Variants in AKAP13 observed in about 807,000 individuals in gnomAD.
AKAP13 encodes A-kinase anchoring protein 13.
AKAP13 carries 80 observed loss-of-function variants against 264.5 expected under a neutral mutation model. That is an observed-to-expected ratio of 0.30 (90% CI 0.25 to 0.36). AKAP13 has a LOEUF of 0.36. Among genes scored for constraint, AKAP13 ranks in the 10% least tolerant of loss-of-function variants. AKAP13 has a pLI of 1.00. For synonymous variants in AKAP13, 1,380 were observed against 1,250.2 expected (o/e 1.10, Z -2.19); for missense variants, 3,712 against 3,435.2 (o/e 1.08, Z -2.01).
At chr15:85,693,516 GTT>G in intron 17 of AKAP13, 65 bp downstream of exon 17, 3 of 1,582,186 alleles carry the variant, frequency 1.9e-6, no homozygotes, top group Non-Finnish European at 2.6e-6. Flanking sequence ...CTCATTTCTT[GTT>G]TCCTGTCCCC....
At chr15:85,732,979 C>T (rs906393236) in intron 30 of AKAP13, among the ~76,000 whole-genome samples, 14 of 152,174 alleles carry the variant, frequency 9.2e-5, no homozygotes, top group Non-Finnish European at 1.8e-4. Flanking sequence ...GCTGTGTCTA[C>T]GCTGTCAGTT....
intron 8 of AKAP13, among the ~76,000 whole-genome samples, chr15:85,602,486 C>T (rs996046688): frequency 6.7e-6 from 1 of 148,488 alleles, no homozygotes; most frequent in Non-Finnish European, 1.5e-5. Flanking sequence ...TGGTCTATCT[C>T]ATATATATAT....
chr15:85,470,451 G>C (rs2074919952), intron 1 of AKAP13, among the ~76,000 whole-genome samples: 1 of 152,266 alleles, frequency 6.6e-6, no homozygotes, highest in East Asian at 1.9e-4. Context: ...TTTCAACTCA[G>C]ACATACTGCT....
At chr15:85,601,313 A>G (rs2080058652) in intron 8 of AKAP13, among the ~76,000 whole-genome samples, 1 of 152,180 alleles carries the variant, frequency 6.6e-6, no homozygotes, top group African/African-American at 2.4e-5. Context: ...GTCTTTTCCT[A>G]AATAATTTTA....
At chr15:85,562,599 A>T (rs1765322874) in intron 5 of AKAP13, among the ~76,000 whole-genome samples, 1 of 136,430 alleles carries the variant, frequency 7.3e-6, no homozygotes, top group African/African-American at 2.6e-5. Context: ...ATATATATAT[A>T]TATATATCTC....
chr15:85,574,437 G>A (rs868035112), intron 5 of AKAP13, among the ~76,000 whole-genome samples: 3 of 152,190 alleles, frequency 2.0e-5, no homozygotes, highest in South Asian at 2.1e-4. Context: ...ATCAGTTGGC[G>A]TATAATGGTG....
rs565480435 is a variant in AKAP13, at chr15:85,516,011, G to A, written c.34-5417G>A. Among the ~76,000 whole-genome samples, 3 of 152,214 alleles carry A rather than the reference G, an allele frequency of 2.0e-5. No individual in the cohort carries two copies. The South Asian group carries it at 6.2e-4, about 32-fold the overall frequency. On this transcript the variant is annotated intron_variant, in intron 2 of 36. Coordinates refer to ENST00000394518, the MANE Select transcript of AKAP13 (RefSeq NM_007200.5). ...TTGTCCAATTTTTAACAACAAAGAT[G>A]TTAAAAATCAGAAAACTCAGAAAAG...
At chr15:85,627,499 C>T (rs542351194) in intron 8 of AKAP13, 1 of 152,378 alleles carries the variant, frequency 6.6e-6, no homozygotes, top group Non-Finnish European at 1.5e-5. Flanking sequence ...TTCCTCCCTA[C>T]TCTCCCATTG....
At chr15:85,494,205 C>G (rs1323057483) in intron 2 of AKAP13, among the ~76,000 whole-genome samples, 1 of 152,172 alleles carries the variant, frequency 6.6e-6, no homozygotes, top group Non-Finnish European at 1.5e-5. Context: ...TCTATCACCA[C>G]TCCCACACTC....
intron 12 of AKAP13, chr15:85,662,260 A>G (rs768587078): frequency 1.4e-5 from 12 of 847,994 alleles, no homozygotes; most frequent in Non-Finnish European, 2.1e-5. Context: ...TTACATTCCT[A>G]AATTTTTTGT....
chr15:85,715,812 G>A lies in AKAP13; in HGVS notation c.5624G>A (p.Arg1875Gln), dbSNP rs1469163729. 1.9e-6 allele frequency: 3 copies of A among 1,612,040 alleles called. No homozygotes were observed. The highest frequency in any genetic ancestry group is 1.1e-5 in the South Asian group (1 of 90,800). Residue 1875 changes from arginine (R) to glutamine (Q), a missense_variant, in exon 20 of 37, where the codon CGG (arginine) becomes CAG (glutamine). Arg to Gln is a conservative substitution (Grantham distance 43). Transcript: ENST00000394518. ...NKPSQPKERP[R>Q]SAVLLVDETA... Reference sequence around the variant, plus strand: ...GCCTCACAGCCCAAGGAGCGTCCTCGGTCCGCAGTCCTCCTGGTGGATGAA... The same window carrying A: ...GCCTCACAGCCCAAGGAGCGTCCTCAGTCCGCAGTCCTCCTGGTGGATGAA...
intron 1 of AKAP13, among the ~76,000 whole-genome samples, chr15:85,420,787 A>C (rs2072484874): frequency 6.6e-6 from 1 of 152,204 alleles, no homozygotes; most frequent in African/African-American, 2.4e-5. Flanking sequence ...AATGTGGGCT[A>C]TTACTTTTTC....
chr15:85,563,997 C>A (rs975015811), intron 5 of AKAP13, among the ~76,000 whole-genome samples: 1 of 152,154 alleles, frequency 6.6e-6, no homozygotes, highest in Admixed American at 6.5e-5. Flanking sequence ...ATACCTTGAA[C>A]AAATATGTTA....
intron 2 of AKAP13, among the ~76,000 whole-genome samples, chr15:85,500,899 G>A (rs533817536): frequency 6.6e-6 from 1 of 152,294 alleles, no homozygotes; most frequent in African/African-American, 2.4e-5. Flanking sequence ...CAGAGCATCT[G>A]GCGGCTGGGG....
Position 85,719,227 on chromosome 15 carries a change from A to G in AKAP13, c.6153A>G (p.Gln2051=), listed in dbSNP as rs1206216733. The G allele has an allele frequency of 1.9e-6, 3 of 1,614,188 alleles. No individual in the cohort carries two copies. The highest frequency in any genetic ancestry group is 2.7e-5 in the African/African-American group (2 of 75,038). Residue 2051 remains glutamine (Q), a synonymous_variant, in exon 23 of 37, where the codon CAA becomes CAG. Transcript: ENST00000394518. ...ATGAGCTGATCAGTATCCATAGCCAATTCTTCCAGAGGATTCTGGAGCGGA... is the reference window on the plus strand; with the variant it reads ...ATGAGCTGATCAGTATCCATAGCCAGTTCTTCCAGAGGATTCTGGAGCGGA... ...CLDELISIHS[Q]FFQRILERKK...
Position 85,580,629 on chromosome 15 carries a change from C to T in AKAP13, c.2561C>T (p.Ala854Val), listed in dbSNP as rs754429575. 6.2e-7 allele frequency: 1 copy of T among 1,614,212 alleles called. No individual in the cohort carries two copies. Among genetic ancestry groups the T allele is most frequent in the South Asian group, 1.1e-5 (1 of 91,088 alleles). The change falls in exon 7 of 37, where the codon GCA (alanine) becomes GTA (valine). Residue 854 changes from alanine to valine, a missense_variant. By Grantham distance (64) the Ala-to-Val change is moderately conservative. Transcript: ENST00000394518. ...AVGLSTSSTA[A>V]ELQHGMGNTS... The stretch of plus-strand genomic sequence containing the variant: ...GGCCTGTCCACATCCTCCACTGCTG[C>T]AGAGCTTCAGCACGGGATGGGGAAT...
In AKAP13 at chr15:85,639,439, G is replaced by A. The variant is rs16942564; in HGVS notation, c.4227G>A (p.Lys1409=). 80,848 of 1,611,360 alleles carry A rather than the reference G, an allele frequency of 0.05. 2,947 individuals carry two copies. The highest frequency in any genetic ancestry group is 0.19 in the Admixed American group (11,183 of 59,978). ...ATGCAGCATCTCTTCTGGCTTCCAAGCAGAGCCCAGGTAAGCTGAGATTAT... is the reference window on the plus strand; with the variant it reads ...ATGCAGCATCTCTTCTGGCTTCCAAACAGAGCCCAGGTAAGCTGAGATTAT... ...CPDAASLLAS[K]QSPECENFLD... is the part of the protein sequence containing the mutation. The change falls in exon 9 of 37, where the codon AAG becomes AAA. Residue 1409 remains lysine (K), a synonymous_variant. Transcript: ENST00000394518.
intron 4 of AKAP13, among the ~76,000 whole-genome samples, chr15:85,542,643 G>A (rs932714726): frequency 6.6e-6 from 1 of 152,212 alleles, no homozygotes; most frequent in Non-Finnish European, 1.5e-5. Context: ...GCTCCCTGGA[G>A]TTAAGTGTAG....
chr15:85,448,797 TG>T (rs2073985484), intron 1 of AKAP13, among the ~76,000 whole-genome samples: 1 of 151,876 alleles, frequency 6.6e-6, no homozygotes, highest in South Asian at 2.1e-4. Flanking sequence ...TTGAGTAACG[TG>T]ATTCTTCCAG....
Sources: gnomAD v4.1 joint callset for allele counts (sites outside exome capture counted in the v4.1 genomes callset) on GRCh38, gnomAD v4.1.1 for gene constraint, MANE v1.5 for transcripts, NCBI Gene and HGNC (gene_info 2026-07-23, HGNC 2026-07-21) for gene names.